PTPRM: variants seen among roughly 807,000 people sequenced by gnomAD.
PTPRM encodes the protein receptor-type tyrosine-protein phosphatase mu.
PTPRM carries 47 observed loss-of-function variants against 186.7 expected under a neutral mutation model. The ratio of observed to expected loss-of-function variants is 0.25; its 90% CI spans 0.20 to 0.32. The LOEUF (loss-of-function observed/expected upper bound fraction) is 0.32, where lower values mean the gene tolerates loss of function less well. Ranked by LOEUF, PTPRM falls within the 10% of genes least tolerant of loss-of-function variation. The pLI, the probability that PTPRM is intolerant of heterozygous loss-of-function variation, is 1.00. For synonymous variants in PTPRM, 668 were observed against 674.9 expected, an observed-to-expected ratio of 0.99 and a Z score of 0.16; for missense variants, 1,494 against 1,865.0, an observed-to-expected ratio of 0.80 and a Z score of 3.66.
chr18:7,695,165 T>C (rs930017206), intron 1 of PTPRM, among the ~76,000 whole-genome samples: 7 of 152,196 alleles, frequency 4.6e-5, no homozygotes, highest in Non-Finnish European at 7.3e-5. Context: ...CTCCTGTAAG[T>C]GGTGCTTCGG....
intron 7 of PTPRM, among the ~76,000 whole-genome samples, chr18:7,975,008 T>G (rs1297087629): frequency 6.6e-6 from 1 of 152,188 alleles, no homozygotes; most frequent in African/African-American, 2.4e-5. Context: ...TTTTAACAAA[T>G]TCCTCAGTGA....
chr18:8,388,510 G>A (rs2095792157), intron 31 of PTPRM, among the ~76,000 whole-genome samples: 1 of 152,186 alleles, frequency 6.6e-6, no homozygotes, highest in Middle Eastern at 3.2e-3. Context: ...TCATCCTGCA[G>A]GAAACTGATA....
At chr18:7,719,379 G>A (rs752512469) in intron 1 of PTPRM, among the ~76,000 whole-genome samples, 4 of 151,436 alleles carry the variant, frequency 2.6e-5, no homozygotes, top group Non-Finnish European at 4.4e-5. Context: ...CTTTGGGGAC[G>A]TGGAGGGATG....
At chr18:8,358,293 G>GCA (rs200825753) in intron 23 of PTPRM, among the ~76,000 whole-genome samples, 2 of 147,684 alleles carry the variant, frequency 1.4e-5, no homozygotes, top group Admixed American at 1.3e-4. Flanking sequence ...ACTTGGACAT[G>GCA]CACACACACA....
chr18:7,840,778 G>C (rs541026229), intron 2 of PTPRM, among the ~76,000 whole-genome samples: 2 of 152,216 alleles, frequency 1.3e-5, no homozygotes, highest in Non-Finnish European at 2.9e-5. Flanking sequence ...TGTAGAATTT[G>C]TTTTGTTATA....
chr18:7,767,122 C>T (rs1187267217), intron 1 of PTPRM, among the ~76,000 whole-genome samples: 1 of 152,180 alleles, frequency 6.6e-6, no homozygotes, highest in Non-Finnish European at 1.5e-5. Context: ...TCCCCTTAGA[C>T]TGTGTGGCAG....
intron 2 of PTPRM, among the ~76,000 whole-genome samples, chr18:7,774,512 G>T (rs890929700): frequency 6.6e-6 from 1 of 152,124 alleles, no homozygotes; most frequent in African/African-American, 2.4e-5. Flanking sequence ...CTAGATTAGT[G>T]GGCATTACCC....
intron 14 of PTPRM, among the ~76,000 whole-genome samples, chr18:8,161,207 G>A (rs916146285): frequency 1.3e-5 from 2 of 152,136 alleles, no homozygotes; most frequent in Admixed American, 6.5e-5. Context: ...TGGCTCCTTG[G>A]GGGACACTTG....
In PTPRM at chr18:8,236,257, G is replaced by A. The variant is rs112684452; in HGVS notation, c.2301-7801G>A. On this transcript the variant is annotated intron_variant, in intron 14 of 32. Coordinates refer to ENST00000580170, the MANE Select transcript of PTPRM (RefSeq NM_001105244.2). Reference sequence around the variant, plus strand: ...TCATATATTTTGACACTATGGTATAGGTGCATACACGTTAAAAAATTTTAT... The same window carrying A: ...TCATATATTTTGACACTATGGTATAAGTGCATACACGTTAAAAAATTTTAT... 4.3e-3 allele frequency among the ~76,000 whole-genome samples: 657 copies of A among 152,224 alleles called. 3 individuals are homozygous for A. Among genetic ancestry groups the A allele is most frequent in the African/African-American group, 0.015 (617 of 41,532 alleles).
chr18:7,798,372 TG>T (rs2043777136), intron 2 of PTPRM, among the ~76,000 whole-genome samples: 1 of 151,490 alleles, frequency 6.6e-6, no homozygotes, highest in Non-Finnish European at 1.5e-5. Flanking sequence ...CTACTAAAAA[TG>T]CAAAAATTAG....
chr18:8,361,869 C>G (rs1269757214), intron 23 of PTPRM, among the ~76,000 whole-genome samples: 1 of 152,154 alleles, frequency 6.6e-6, no homozygotes, highest in East Asian at 1.9e-4. Context: ...TTAAGATAGG[C>G]TACAAAAACT....
intron 3 of PTPRM, among the ~76,000 whole-genome samples, chr18:7,905,591 A>G (rs2049936343): frequency 6.6e-6 from 1 of 152,136 alleles, no homozygotes. Context: ...GCCTGGCCAC[A>G]GCTGACCTTT....
chr18:8,281,443 C>T (rs1487047369), intron 19 of PTPRM, among the ~76,000 whole-genome samples: 2 of 152,180 alleles, frequency 1.3e-5, no homozygotes, highest in African/African-American at 2.4e-5. Context: ...GGCCCTTCTA[C>T]AGCAACAAAA....
intron 2 of PTPRM, among the ~76,000 whole-genome samples, chr18:7,807,459 C>T (rs570339469): frequency 6.6e-6 from 1 of 152,314 alleles, no homozygotes; most frequent in South Asian, 2.1e-4. Context: ...TTGCCCCATC[C>T]ACAAGTTCTT....
At chr18:8,193,672 A>G (rs1174014288) in intron 14 of PTPRM, among the ~76,000 whole-genome samples, 4 of 152,218 alleles carry the variant, frequency 2.6e-5, no homozygotes. Flanking sequence ...CACAGCTGGC[A>G]GCCTTCTGCT....
intron 1 of PTPRM, among the ~76,000 whole-genome samples, chr18:7,583,409 A>T: frequency 6.6e-6 from 1 of 152,144 alleles, no homozygotes; most frequent in East Asian, 1.9e-4. Flanking sequence ...CTGATTTTAG[A>T]TCCAAAAGTG....
At chr18:7,932,548 C>T (rs566729306) in intron 5 of PTPRM, among the ~76,000 whole-genome samples, 10 of 152,104 alleles carry the variant, frequency 6.6e-5, no homozygotes, top group African/African-American at 9.6e-5. Flanking sequence ...TTTATACTTA[C>T]GTATAAGTAT....
intron 26 of PTPRM, 52 bp downstream of exon 26, chr18:8,376,649 G>T: frequency 6.4e-7 from 1 of 1,562,964 alleles, no homozygotes; most frequent in Non-Finnish European, 8.7e-7. Context: ...GCTCCCTCCT[G>T]CATCTCCCCA....
chr18:7,735,598 A>T (rs1174987861), intron 1 of PTPRM, among the ~76,000 whole-genome samples: 1 of 150,008 alleles, frequency 6.7e-6, no homozygotes, highest in Non-Finnish European at 1.5e-5. Context: ...AAATATACCT[A>T]AAAAATTTGC....
Sources: gnomAD v4.1 joint callset for allele counts (sites outside exome capture counted in the v4.1 genomes callset) on GRCh38, gnomAD v4.1.1 for gene constraint, MANE v1.5 for transcripts, NCBI Gene and HGNC (gene_info 2026-07-23, HGNC 2026-07-21) for gene names.